Variants in PTPRD observed in about 807,000 individuals in gnomAD.
PTPRD encodes protein tyrosine phosphatase receptor type D.
Under a neutral mutation model 214.5 loss-of-function variants are expected in PTPRD, and 34 were observed. The observed-to-expected ratio is 0.16, with a 90% CI of 0.12 to 0.21. The LOEUF (loss-of-function observed/expected upper bound fraction) is 0.21. Ranked by LOEUF, PTPRD falls within the 10% of genes least tolerant of loss-of-function variation. PTPRD has a pLI of 1.00. For missense variants in PTPRD, 2,545 were observed against 2,398.7 expected (o/e 1.06, Z -1.27); for synonymous variants, 1,128 against 845.7 (o/e 1.33, Z -5.79).
intron 10 of PTPRD, among the ~76,000 whole-genome samples, chr9:9,053,431 T>G (rs748116545): frequency 6.6e-6 from 1 of 152,120 alleles, no homozygotes; most frequent in Non-Finnish European, 1.5e-5. Flanking sequence ...ATGTCTGCTC[T>G]ATACAAATAA....
intron 12 of PTPRD, among the ~76,000 whole-genome samples, chr9:8,681,387 C>T (rs1188361577): frequency 6.6e-6 from 1 of 152,138 alleles, no homozygotes; most frequent in African/African-American, 2.4e-5. Flanking sequence ...GGCATAGATG[C>T]AGTGGGTTAC....
At chr9:10,548,211 T>C (rs2060557287) in intron 2 of PTPRD, among the ~76,000 whole-genome samples, 1 of 152,164 alleles carries the variant, frequency 6.6e-6, no homozygotes, top group East Asian at 1.9e-4. Flanking sequence ...ATTAATTGAC[T>C]CAAGATTAGA....
intron 10 of PTPRD, among the ~76,000 whole-genome samples, chr9:9,148,934 G>A (rs1181886688): frequency 6.6e-6 from 1 of 152,172 alleles, no homozygotes; most frequent in African/African-American, 2.4e-5. Flanking sequence ...TAACTGAGAG[G>A]TATGGTCTTA....
At chr9:9,444,037 A>G (rs918166624) in intron 8 of PTPRD, among the ~76,000 whole-genome samples, 2 of 152,200 alleles carry the variant, frequency 1.3e-5, no homozygotes, top group Admixed American at 6.5e-5. Flanking sequence ...CTCAGTCAAG[A>G]AAAAACAGGA....
intron 11 of PTPRD, among the ~76,000 whole-genome samples, chr9:8,843,654 T>TA (rs1196530984): frequency 6.6e-6 from 1 of 152,124 alleles, no homozygotes; most frequent in Non-Finnish European, 1.5e-5. Flanking sequence ...AATACTGGGA[T>TA]AAAAAAGATC....
At chr9:10,465,248 C>T (rs758378077) in intron 2 of PTPRD, among the ~76,000 whole-genome samples, 2 of 152,144 alleles carry the variant, frequency 1.3e-5, no homozygotes, top group Non-Finnish European at 2.9e-5. Flanking sequence ...CTTATAACAA[C>T]AGCATATGTA....
chr9:10,443,916 A>G (rs867493272), intron 2 of PTPRD, among the ~76,000 whole-genome samples: 2 of 150,684 alleles, frequency 1.3e-5, no homozygotes, highest in Admixed American at 6.6e-5. Flanking sequence ...TTTTTTTTCA[A>G]TTTACTTGTT....
chr9:9,413,138 C>T (rs1481231748), intron 8 of PTPRD, among the ~76,000 whole-genome samples: 6 of 77,588 alleles, frequency 7.7e-5, no homozygotes, highest in South Asian at 5.3e-4. Context: ...GACGGAGTCT[C>T]GCTCTGTCGC....
At chr9:8,867,869 C>T (rs1036080232) in intron 11 of PTPRD, among the ~76,000 whole-genome samples, 2 of 152,126 alleles carry the variant, frequency 1.3e-5, no homozygotes, top group Non-Finnish European at 2.9e-5. Context: ...GCAGAATGTC[C>T]TATCATAAGA....
At chr9:10,433,187 C>T (rs966594287) in intron 2 of PTPRD, among the ~76,000 whole-genome samples, 1 of 151,600 alleles carries the variant, frequency 6.6e-6, no homozygotes, top group Admixed American at 6.6e-5. Context: ...GGAAAGAGAC[C>T]TTATTACCTT....
At chr9:10,273,897 C>T (rs2094544342) in intron 3 of PTPRD, among the ~76,000 whole-genome samples, 2 of 152,110 alleles carry the variant, frequency 1.3e-5, no homozygotes, top group South Asian at 2.1e-4. Context: ...TAACAATACA[C>T]TGTGCTTCTT....
intron 10 of PTPRD, among the ~76,000 whole-genome samples, chr9:9,164,925 C>A (rs1324797227): frequency 6.6e-6 from 1 of 151,714 alleles, no homozygotes; most frequent in East Asian, 1.9e-4. Context: ...TGGTGGTGCA[C>A]ACCTGTAATC....
chr9:8,408,741 T>G (rs781444657), intron 35 of PTPRD, among the ~76,000 whole-genome samples: 1 of 152,158 alleles, frequency 6.6e-6, no homozygotes, highest in Non-Finnish European at 1.5e-5. Context: ...ATTGCTTCCC[T>G]GCCTGCACAC....
intron 10 of PTPRD, among the ~76,000 whole-genome samples, chr9:9,042,221 A>T (rs111907519): frequency 0.012 from 1,779 of 152,290 alleles, 31 homozygotes; most frequent in Middle Eastern, 0.041. Context: ...TCTAGGTGTC[A>T]TTCTTACTAC....
chr9:8,716,320 T>A (rs1443851066), intron 12 of PTPRD, among the ~76,000 whole-genome samples: 1 of 152,202 alleles, frequency 6.6e-6, no homozygotes, highest in Non-Finnish European at 1.5e-5. Context: ...ACTAGAAGTA[T>A]CTATGTAATT....
intron 36 of PTPRD, among the ~76,000 whole-genome samples, chr9:8,395,044 G>A (rs913217026): frequency 3.3e-5 from 5 of 152,088 alleles, no homozygotes; most frequent in Admixed American, 6.6e-5. Flanking sequence ...TCAGCTGAGC[G>A]TCTTACCCTG....
At chr9:8,331,361 T>TTTTTGGGGGA (rs1397163144) in intron 44 of PTPRD, among the ~76,000 whole-genome samples, 1 of 151,994 alleles carries the variant, frequency 6.6e-6, no homozygotes, top group Non-Finnish European at 1.5e-5. Context: ...GGAAGCAAAT[T>TTTTTGGGGGA]TTTTGGGGGA....
At chr9:10,460,216 T>C (rs563390689) in intron 2 of PTPRD, among the ~76,000 whole-genome samples, 1 of 151,538 alleles carries the variant, frequency 6.6e-6, no homozygotes, top group East Asian at 1.9e-4. Context: ...AAAATACAGA[T>C]AAAAAAAATT....
Position 8,981,080 on chromosome 9 carries a change from T to C in PTPRD, c.-104+37617A>G, listed in dbSNP as rs1027896207. Among the ~76,000 whole-genome samples, 5 of 152,104 alleles carry C rather than the reference T, an allele frequency of 3.3e-5. No individual in the cohort carries two copies. The South Asian group carries it at 1.0e-3, about 31-fold the overall frequency. ...GGCACCTCGCTAACGGAATTTCTTA[T>C]CTTTCTTTTATTTTCAAAAGCTCAG... On this transcript the variant is annotated intron_variant, in intron 11 of 45. Transcript: ENST00000381196.
Sources: allele counts gnomAD v4.1 joint callset (sites outside exome capture counted in the v4.1 genomes callset), GRCh38; gene constraint gnomAD v4.1.1; transcripts MANE v1.5; gene names NCBI Gene and HGNC (gene_info 2026-07-23, HGNC 2026-07-21).